Variants in IFNG-AS1 observed in about 807,000 individuals in gnomAD.
IFNG-AS1 encodes the protein IFNG regulatory antisense RNA 1.
At chr12:68,015,584 C>T (rs1235443372) in intron 3 of IFNG-AS1, among the ~76,000 whole-genome samples, 1 of 152,122 alleles carries the variant, frequency 6.6e-6, no homozygotes, top group Admixed American at 6.6e-5. Flanking sequence ...TTTCCTTAAC[C>T]GTTCTTATGA....
At chr12:68,011,835 A>G (rs147971928) in intron 3 of IFNG-AS1, among the ~76,000 whole-genome samples, 4 of 152,310 alleles carry the variant, frequency 2.6e-5, no homozygotes, top group East Asian at 3.9e-4. Context: ...CTCAGCCTAC[A>G]AGGCAAGAGG....
intron 2 of IFNG-AS1, chr12:68,001,659 G>A (rs1216185025): frequency 6.6e-6 from 1 of 152,258 alleles, no homozygotes; most frequent in Non-Finnish European, 1.5e-5. Flanking sequence ...GAAAAATATA[G>A]GAGGTCACCT....
At chr12:68,014,697 T>A (rs758771144) in intron 3 of IFNG-AS1, among the ~76,000 whole-genome samples, 212 of 152,184 alleles carry the variant, frequency 1.4e-3, no homozygotes, top group Non-Finnish European at 2.7e-3. Context: ...CTTTCCTGAG[T>A]CTTCAGTCTG....
At chr12:68,017,115 G>A (rs983568369) in intron 3 of IFNG-AS1, among the ~76,000 whole-genome samples, 1 of 152,194 alleles carries the variant, frequency 6.6e-6, no homozygotes, top group Non-Finnish European at 1.5e-5. Context: ...GCCAAGTATG[G>A]AAACAGTCTT....
chr12:68,010,195 A>G (rs1001822799), intron 3 of IFNG-AS1, among the ~76,000 whole-genome samples: 4 of 152,216 alleles, frequency 2.6e-5, no homozygotes, highest in Non-Finnish European at 5.9e-5. Context: ...ATTAATTTAC[A>G]GAGTGGTTCT....
chr12:68,000,306 T>A (rs1326124799), intron 2 of IFNG-AS1, among the ~76,000 whole-genome samples: 1 of 152,190 alleles, frequency 6.6e-6, no homozygotes, highest in African/African-American at 2.4e-5. Context: ...TACCTATGAT[T>A]ACAAAACTTC....
At chr12:68,008,405 G>C (rs951242220) in intron 3 of IFNG-AS1, among the ~76,000 whole-genome samples, 8 of 84,628 alleles carry the variant, frequency 9.5e-5, no homozygotes, top group Non-Finnish European at 1.6e-4. Context: ...GACAGCACGA[G>C]ACACCATCTC....
chr12:68,008,684 C>T (rs1879961058), intron 3 of IFNG-AS1, among the ~76,000 whole-genome samples: 1 of 152,110 alleles, frequency 6.6e-6, no homozygotes, highest in Admixed American at 6.6e-5. Context: ...AGTGGCTCTC[C>T]CATATGCTAG....
chr12:68,015,960 A>G (rs546923599), intron 3 of IFNG-AS1, among the ~76,000 whole-genome samples: 64 of 151,576 alleles, frequency 4.2e-4, no homozygotes, highest in African/African-American at 1.4e-3. Flanking sequence ...GGGAAAAAAA[A>G]CCTTTCCCAG....
chr12:68,016,895 C>T (rs1276077371), intron 3 of IFNG-AS1, among the ~76,000 whole-genome samples: 1 of 152,140 alleles, frequency 6.6e-6, no homozygotes, highest in Non-Finnish European at 1.5e-5. Context: ...CTGGGCTAGG[C>T]ATAAGGAATG....
At chr12:67,997,871 TA>T (rs1173969549) in intron 2 of IFNG-AS1, among the ~76,000 whole-genome samples, 1 of 151,878 alleles carries the variant, frequency 6.6e-6, no homozygotes, top group Non-Finnish European at 1.5e-5. Flanking sequence ...AAAAGATATA[TA>T]AAAAACCTTG....
chr12:68,015,953 A>G (rs1420732519), intron 3 of IFNG-AS1, among the ~76,000 whole-genome samples: 3 of 147,442 alleles, frequency 2.0e-5, no homozygotes, highest in African/African-American at 7.7e-5. Context: ...CGGGGGGGGG[A>G]AAAAAAACCT....
At chr12:67,993,614 T>C (rs1037208608) in intron 1 of IFNG-AS1, among the ~76,000 whole-genome samples, 1 of 152,192 alleles carries the variant, frequency 6.6e-6, no homozygotes, top group African/African-American at 2.4e-5. Context: ...TATTAAACAC[T>C]TAAAAATATA....
intron 2 of IFNG-AS1, among the ~76,000 whole-genome samples, chr12:67,997,402 A>G (rs1274082830): frequency 2.0e-5 from 3 of 152,084 alleles, no homozygotes. Context: ...GGGGCAAGAA[A>G]ATTTTAATAG....
intron 2 of IFNG-AS1, among the ~76,000 whole-genome samples, chr12:68,002,974 T>C (rs1364027997): frequency 8.5e-5 from 13 of 152,346 alleles, no homozygotes; most frequent in South Asian, 2.1e-4. Context: ...ACTCTATATT[T>C]ATTCTAGATA....
intron 1 of IFNG-AS1, among the ~76,000 whole-genome samples, chr12:67,991,116 G>A (rs1879502314): frequency 6.6e-6 from 1 of 152,114 alleles, no homozygotes; most frequent in Non-Finnish European, 1.5e-5. Context: ...GGCAAAGGAG[G>A]GATGGAGTCT....
chr12:67,997,743 A>G (rs995041970), intron 2 of IFNG-AS1, among the ~76,000 whole-genome samples: 2 of 151,908 alleles, frequency 1.3e-5, no homozygotes, highest in South Asian at 2.1e-4. Flanking sequence ...TTGCAACATT[A>G]ATCTTTCTAT....
intron 4 of IFNG-AS1, chr12:68,020,036 T>G (rs1880250506): frequency 1.3e-5 from 2 of 152,110 alleles, no homozygotes; most frequent in African/African-American, 4.8e-5. Flanking sequence ...GAGGTGTTTG[T>G]GTAATCAAAG....
At chr12:68,016,607 C>A (rs1220467600) in intron 3 of IFNG-AS1, among the ~76,000 whole-genome samples, 1 of 152,106 alleles carries the variant, frequency 6.6e-6, no homozygotes, top group Non-Finnish European at 1.5e-5. Flanking sequence ...ATGTCAGGTG[C>A]CAGGTTCAGA....
Sources: allele counts gnomAD v4.1 joint callset (sites outside exome capture counted in the v4.1 genomes callset), GRCh38; gene constraint gnomAD v4.1.1; transcripts MANE v1.5; gene names NCBI Gene and HGNC (gene_info 2026-07-23, HGNC 2026-07-21).